Variants in ANKRD11 observed in about 807,000 individuals in gnomAD.
ANKRD11 encodes the protein ankyrin repeat domain-containing protein 11.
In ANKRD11, 17 loss-of-function variants were observed where a neutral mutation model predicts 195.7. The observed-to-expected ratio is 0.09, with a 90% CI of 0.06 to 0.13. ANKRD11 has a LOEUF of 0.13. Ranked by LOEUF, ANKRD11 falls within the 10% of genes least tolerant of loss-of-function variation. The pLI, the probability that ANKRD11 is intolerant of heterozygous loss-of-function variation, is 1.00. For synonymous variants in ANKRD11, 1,953 were observed against 1,528.1 expected, an observed-to-expected ratio of 1.28 and a Z score of -6.49; for missense variants, 3,735 against 3,566.1, an observed-to-expected ratio of 1.05 and a Z score of -1.21.
chr16:89,450,342 GA>G (rs2044013513), intron 1 of ANKRD11, among the ~76,000 whole-genome samples: 1 of 152,148 alleles, frequency 6.6e-6, no homozygotes, highest in South Asian at 2.1e-4. Flanking sequence ...ATAAGACTCA[GA>G]GACAGAATGT....
intron 1 of ANKRD11, among the ~76,000 whole-genome samples, chr16:89,481,826 C>A (rs1355393587): frequency 6.6e-6 from 1 of 152,114 alleles, no homozygotes; most frequent in Non-Finnish European, 1.5e-5. Context: ...CAGCCTTTGT[C>A]CCCAGCCTTC....
chr16:89,438,488 T>TTGTG (rs756060629), intron 1 of ANKRD11, among the ~76,000 whole-genome samples: 4 of 151,718 alleles, frequency 2.6e-5, no homozygotes, highest in East Asian at 3.9e-4. Context: ...TCCAGCTAAT[T>TTGTG]TGTGTGTGTG....
In ANKRD11 at chr16:89,461,426, T is replaced by G. The variant is rs994481928; in HGVS notation, c.-145+28819A>C. ...TCAAAAATGGTACAAATGGTCAATT[T>G]TATACTGCTGGGCTCAGGGAATCCT... On this transcript the variant is annotated intron_variant, in intron 1 of 12. Transcript: ENST00000301030. 4.9e-4 allele frequency among the ~76,000 whole-genome samples: 75 copies of G among 152,220 alleles called. 1 individual carries two copies. Among genetic ancestry groups the G allele is most frequent in the African/African-American group, 1.8e-3 (73 of 41,526 alleles).
chr16:89,358,494 A>C (rs546762390), intron 2 of ANKRD11, among the ~76,000 whole-genome samples: 23 of 152,350 alleles, frequency 1.5e-4, no homozygotes, highest in African/African-American at 5.3e-4. Flanking sequence ...ACTAGTTGAG[A>C]AGATGGATAC....
chr16:89,295,400 G>C lies in ANKRD11; in HGVS notation c.227-4217C>G, dbSNP rs954751753. 2.0e-5 allele frequency among the ~76,000 whole-genome samples: 3 copies of C among 152,208 alleles called. No homozygotes were observed. The South Asian group carries it at 6.2e-4, about 31-fold the overall frequency. On this transcript the variant is annotated intron_variant, in intron 4 of 12. Coordinates refer to ENST00000301030, the MANE Select transcript of ANKRD11 (RefSeq NM_013275.6). Reference sequence around the variant, plus strand: ...TCATCTTTAAGAAACAAGGCCCGTAGGGCCTTTCTTCAAACCACATCCACC... The same window carrying C: ...TCATCTTTAAGAAACAAGGCCCGTACGGCCTTTCTTCAAACCACATCCACC...
chr16:89,272,875 A>G (rs2033288252), intron 11 of ANKRD11: 1 of 152,160 alleles, frequency 6.6e-6, no homozygotes, highest in Non-Finnish European at 1.5e-5. Context: ...TGGGGTCATG[A>G]TGTTAAGTGA....
At chr16:89,392,027 C>G (rs994597459) in intron 2 of ANKRD11, among the ~76,000 whole-genome samples, 2 of 152,170 alleles carry the variant, frequency 1.3e-5, no homozygotes, top group South Asian at 4.1e-4. Context: ...TTCCTCCTTC[C>G]TTTGTTCTCC....
At chr16:89,404,004 G>A (rs1318473216) in intron 2 of ANKRD11, among the ~76,000 whole-genome samples, 2 of 152,172 alleles carry the variant, frequency 1.3e-5, no homozygotes, top group African/African-American at 4.8e-5. Flanking sequence ...TAGGGTGAAA[G>A]AATGCAAGAG....
intron 1 of ANKRD11, among the ~76,000 whole-genome samples, chr16:89,474,450 C>CT (rs2057189566): frequency 1.3e-5 from 2 of 150,482 alleles, no homozygotes; most frequent in Admixed American, 1.3e-4. Flanking sequence ...GACCCTGTCT[C>CT]TACCTTATGT....
intron 2 of ANKRD11, among the ~76,000 whole-genome samples, chr16:89,353,673 T>A (rs187964592): frequency 3.5e-4 from 53 of 152,234 alleles, no homozygotes; most frequent in Admixed American, 1.1e-3. Flanking sequence ...AGAGACAGGG[T>A]TTCATCATGT....
rs571216373 is a variant in ANKRD11 at position 89,278,670 on chromosome 16, C to T, written c.7470+402G>A. 43 of 465,080 alleles carry T rather than the reference C, an allele frequency of 9.2e-5. 1 individual carries two copies. Among genetic ancestry groups the T allele is most frequent in the South Asian group, 6.5e-4 (42 of 64,506 alleles). The allele number at this position is 465,080 out of a possible 1,614,324, so 28.8% of individuals were successfully genotyped here. ...GGTATGGAGGCTCAGGGAACCCACG[C>T]GGGTCCAAGGGAGAAGGGGGCGGGG... On this transcript the variant is annotated intron_variant, in intron 9 of 12. Coordinates refer to ENST00000301030, the MANE Select transcript of ANKRD11 (RefSeq NM_013275.6).
intron 1 of ANKRD11, among the ~76,000 whole-genome samples, chr16:89,463,213 CGGTTT>C (rs2056761240): frequency 1.3e-5 from 2 of 152,110 alleles, no homozygotes; most frequent in East Asian, 3.8e-4. Context: ...ATGACAGTGG[CGGTTT>C]TGTGGAATAG....
At chr16:89,480,412 G>C (rs2057406555) in intron 1 of ANKRD11, among the ~76,000 whole-genome samples, 1 of 151,372 alleles carries the variant, frequency 6.6e-6, no homozygotes, top group Non-Finnish European at 1.5e-5. Context: ...AGGAGGCGGA[G>C]GTTGCAGTGA....
chr16:89,312,177 T>G (rs570679910), intron 3 of ANKRD11, among the ~76,000 whole-genome samples: 4 of 152,230 alleles, frequency 2.6e-5, no homozygotes, highest in Admixed American at 2.6e-4. Flanking sequence ...GGATGACAGG[T>G]GTGAGCCACC....
At chr16:89,405,059 C>T (rs949892382) in intron 2 of ANKRD11, among the ~76,000 whole-genome samples, 1 of 152,050 alleles carries the variant, frequency 6.6e-6, no homozygotes, top group Non-Finnish European at 1.5e-5. Context: ...CAACACAGCC[C>T]GACGCCCCGT....
intron 1 of ANKRD11, among the ~76,000 whole-genome samples, chr16:89,449,840 G>C (rs1027046614): frequency 6.6e-6 from 1 of 151,090 alleles, no homozygotes. Context: ...TAGGTAAGGT[G>C]CTCACATACT....
rs552020445 is a variant in ANKRD11, at chr16:89,348,171, G to A, written c.-59-31093C>T. ...GCTCTGCAACTCCTGGACTCAAACAGTCCTCCCATCTCAGCCTCCCAAAAT... is the reference window on the plus strand; with the variant it reads ...GCTCTGCAACTCCTGGACTCAAACAATCCTCCCATCTCAGCCTCCCAAAAT... On this transcript the variant is annotated intron_variant, in intron 2 of 12. Transcript: ENST00000301030. 2.7e-3 allele frequency among the ~76,000 whole-genome samples: 413 copies of A among 152,110 alleles called. 3 individuals carry two copies. Among genetic ancestry groups the A allele is most frequent in the Non-Finnish European group, 3.1e-3 (208 of 67,986 alleles).
chr16:89,323,914 T>A (rs1324549247), intron 2 of ANKRD11: 1 of 216,822 alleles, frequency 4.6e-6, no homozygotes, highest in African/African-American at 2.4e-5. Context: ...GCACCACACA[T>A]CGCGAGGTAG....
At chr16:89,411,740 C>T (rs1460183826) in intron 2 of ANKRD11, among the ~76,000 whole-genome samples, 1 of 152,166 alleles carries the variant, frequency 6.6e-6, no homozygotes, top group Non-Finnish European at 1.5e-5. Context: ...ACAGTAAGCA[C>T]ATCCCAAATC....
Sources: allele counts gnomAD v4.1 joint callset (sites outside exome capture counted in the v4.1 genomes callset), GRCh38; gene constraint gnomAD v4.1.1; transcripts MANE v1.5; gene names NCBI Gene and HGNC (gene_info 2026-07-23, HGNC 2026-07-21).